The following SLC38A12 variants were observed in gnomAD, a reference collection of about 807,000 sequenced individuals.
SLC38A12 encodes putative sodium-coupled neutral amino acid transporter 12.
At chr17:74,834,736 A>C in the SLC38A12 span, among the ~76,000 whole-genome samples, 2 of 152,218 alleles carry the variant, frequency 1.3e-5, no homozygotes, top group Non-Finnish European at 2.9e-5. Context: ...TCACCAGGAA[A>C]TGTCACGTGT....
chr17:74,788,848 G>T, the SLC38A12 span: 1 of 1,613,474 alleles, frequency 6.2e-7, no homozygotes, highest in Non-Finnish European at 8.5e-7. Flanking sequence ...CAGCTCCACT[G>T]GAAGAGGATG....
the SLC38A12 span, among the ~76,000 whole-genome samples, chr17:74,831,841 T>G: frequency 6.6e-6 from 1 of 152,254 alleles, no homozygotes; most frequent in Admixed American, 6.5e-5. Flanking sequence ...GGGCGCAGGC[T>G]GTCTTGGCGG....
chr17:74,806,404 C>T, the SLC38A12 span, among the ~76,000 whole-genome samples: 1 of 152,292 alleles, frequency 6.6e-6, no homozygotes, highest in African/African-American at 2.4e-5. Context: ...CACCCATCCC[C>T]TCCCTCCTCC....
chr17:74,827,348 T>TGCA, the SLC38A12 span, among the ~76,000 whole-genome samples: 1 of 148,702 alleles, frequency 6.7e-6, no homozygotes, highest in African/African-American at 2.5e-5. This position sits in a 1 kb window ranked among gnomAD's most constrained non-coding sequence, Gnocchi z 4.7. Flanking sequence ...CACACTGGAG[T>TGCA]GCAGCAGCAC....
the SLC38A12 span, among the ~76,000 whole-genome samples, chr17:74,792,159 A>AG: frequency 6.9e-6 from 1 of 145,808 alleles, no homozygotes; most frequent in African/African-American, 2.6e-5. Flanking sequence ...AAAAAAAAAA[A>AG]GAATTTAATG....
chr17:74,782,395 C>T, the SLC38A12 span, among the ~76,000 whole-genome samples: 25 of 152,062 alleles, frequency 1.6e-4, no homozygotes, highest in Non-Finnish European at 3.4e-4. Flanking sequence ...TGTCTGTTTC[C>T]TCCTCCTTAG....
At chr17:74,836,102 C>T in the SLC38A12 span, 1 of 1,614,064 alleles carries the variant, frequency 6.2e-7, no homozygotes, top group South Asian at 1.1e-5. This position sits in a 1 kb window ranked among gnomAD's most constrained non-coding sequence, Gnocchi z 4.2. Context: ...CCAAGCGCCA[C>T]CTCACAAGGC....
At chr17:74,797,551 T>C in the SLC38A12 span, among the ~76,000 whole-genome samples, 1 of 152,188 alleles carries the variant, frequency 6.6e-6, no homozygotes, top group African/African-American at 2.4e-5. Context: ...TTGCATGGGC[T>C]CTTCTACCCA....
At chr17:74,788,748 CA>C in the SLC38A12 span, 44 of 1,585,686 alleles carry the variant, frequency 2.8e-5, no homozygotes, top group African/African-American at 6.7e-5. Context: ...CTGTCTCCTC[CA>C]ACCTGTCCGC....
At chr17:74,804,499 G>A in the SLC38A12 span, among the ~76,000 whole-genome samples, 495 of 152,400 alleles carry the variant, frequency 3.2e-3, 2 homozygotes, top group African/African-American at 0.011. Flanking sequence ...AACGATTAGG[G>A]TGCACATTAA....
the SLC38A12 span, among the ~76,000 whole-genome samples, chr17:74,817,566 A>AG: frequency 6.6e-6 from 1 of 152,132 alleles, no homozygotes; most frequent in African/African-American, 2.4e-5. Flanking sequence ...TACCTTTCAG[A>AG]GGTACATCTG....
the SLC38A12 span, among the ~76,000 whole-genome samples, chr17:74,779,196 A>G: frequency 2.6e-5 from 4 of 152,330 alleles, no homozygotes; most frequent in South Asian, 4.1e-4. Context: ...ACACTTGGAT[A>G]TGTCCCCATT....
chr17:74,790,367 G>A, the SLC38A12 span: 1 of 1,367,180 alleles, frequency 7.3e-7, no homozygotes. Context: ...CATGGAGAGG[G>A]CCCTGGAGAG....
the SLC38A12 span, among the ~76,000 whole-genome samples, chr17:74,804,667 A>C: frequency 2.0e-5 from 3 of 152,226 alleles, no homozygotes. Context: ...GTCTTGAGCC[A>C]CCGCAGGGCA....
the SLC38A12 span, chr17:74,788,716 CA>C: frequency 1.5e-6 from 2 of 1,376,480 alleles, no homozygotes; most frequent in Non-Finnish European, 2.0e-6. Flanking sequence ...TCGGTTCTTA[CA>C]ATGGTGTTTT....
the SLC38A12 span, among the ~76,000 whole-genome samples, chr17:74,799,994 T>C: frequency 1.3e-5 from 2 of 152,154 alleles, no homozygotes; most frequent in South Asian, 4.1e-4. Flanking sequence ...ACCCACACAG[T>C]AAAGTACACA....
At chr17:74,780,519 C>G in the SLC38A12 span, among the ~76,000 whole-genome samples, 57 of 152,274 alleles carry the variant, frequency 3.7e-4, no homozygotes, top group African/African-American at 1.3e-3. Context: ...CCACTGCTTC[C>G]CAGGAGTCTG....
At chr17:74,824,130 C>G in the SLC38A12 span, among the ~76,000 whole-genome samples, 2 of 152,328 alleles carry the variant, frequency 1.3e-5, no homozygotes, top group African/African-American at 4.8e-5. Flanking sequence ...ACTGGTGTCA[C>G]GGTGAGATCT....
the SLC38A12 span, among the ~76,000 whole-genome samples, chr17:74,814,100 T>G: frequency 6.6e-6 from 1 of 152,218 alleles, no homozygotes; most frequent in Non-Finnish European, 1.5e-5. Context: ...GACCTTGAGC[T>G]TCTTCACTTT....
Sources: gnomAD v4.1 joint callset for allele counts (sites outside exome capture counted in the v4.1 genomes callset) on GRCh38, gnomAD v4.1.1 for gene constraint, Gnocchi (gnomAD v3.1) non-coding constraint, MANE v1.5 for transcripts, NCBI Gene and HGNC (gene_info 2026-07-23, HGNC 2026-07-21) for gene names.